Variants in TNR observed in about 807,000 individuals in gnomAD.
TNR encodes the protein tenascin-R.
In TNR, 45 loss-of-function variants were observed where a neutral mutation model predicts 150.4. That is an observed-to-expected ratio of 0.30 (90% CI 0.24 to 0.38). The LOEUF is 0.38. Among genes scored for constraint, TNR ranks in the 10% least tolerant of loss-of-function variants. The pLI is 1.00. For synonymous variants in TNR, 687 were observed against 678.4 expected (o/e 1.01, Z -0.20); for missense variants, 1,544 against 1,759.1 (o/e 0.88, Z 2.19).
chr1:175,481,243 C>T (rs947704094), intron 2 of TNR, among the ~76,000 whole-genome samples: 3 of 152,122 alleles, frequency 2.0e-5, no homozygotes, highest in Admixed American at 6.5e-5. Flanking sequence ...AATGAGTGAA[C>T]AAATGAATGA....
intron 2 of TNR, among the ~76,000 whole-genome samples, chr1:175,407,811 T>G (rs73045410): frequency 0.024 from 3,719 of 152,236 alleles, 153 homozygotes; most frequent in African/African-American, 0.085. Flanking sequence ...ATGGAGGAAG[T>G]TCTTCCAAGA....
chr1:175,566,573 G>A (rs1391256423), intron 1 of TNR, among the ~76,000 whole-genome samples: 1 of 152,216 alleles, frequency 6.6e-6, no homozygotes, highest in Non-Finnish European at 1.5e-5. Context: ...AGTGAGAAAG[G>A]GGGTTCAGCT....
intron 16 of TNR, 99 bp downstream of exon 16, chr1:175,356,220 T>A (rs1651318915): frequency 1.3e-6 from 2 of 1,515,820 alleles, no homozygotes; most frequent in Non-Finnish European, 1.8e-6. Flanking sequence ...AGCTGCCCTG[T>A]CCAAAGCCTG....
chr1:175,741,286 T>C (rs188641325), intron 1 of TNR, among the ~76,000 whole-genome samples: 4 of 152,330 alleles, frequency 2.6e-5, no homozygotes, highest in East Asian at 3.9e-4. Flanking sequence ...AGCGTCTGTG[T>C]CTCTCCATTT....
Position 175,335,738 on chromosome 1 carries a change from C to T in TNR, c.3604G>A (p.Gly1202Arg), listed in dbSNP as rs1316313002. The T allele has an allele frequency of 2.5e-6, 4 of 1,613,904 alleles. No individual in the cohort carries two copies. The highest frequency in any genetic ancestry group is 1.3e-5 in the African/African-American group (1 of 74,886). The part of the protein sequence containing the change: ...RKWADYRVGF[G>R]NVEDEFWLGL... Reference sequence around the variant, plus strand: ...AGCCAGAACTCATCCTCCACGTTCCCGAAGCCAACACGGTAATCAGCCCAT... The same window carrying T: ...AGCCAGAACTCATCCTCCACGTTCCTGAAGCCAACACGGTAATCAGCCCAT... The change falls in exon 20 of 23, where the codon GGG (glycine) becomes AGG (arginine). Residue 1202 changes from glycine to arginine, a missense_variant. Physicochemically the swap from Gly to Arg is moderately radical, Grantham distance 125. This residue lies in a region of TNR where 290 missense variants were observed against 429.7 expected (regional missense o/e 0.67). Coordinates refer to ENST00000367674, the MANE Select transcript of TNR (RefSeq NM_003285.3).
chr1:175,408,787 C>T (rs1195298549), intron 2 of TNR, among the ~76,000 whole-genome samples: 3 of 152,186 alleles, frequency 2.0e-5, no homozygotes, highest in Non-Finnish European at 4.4e-5. Flanking sequence ...ATATTGTTTG[C>T]AGACAAGTGG....
chr1:175,386,683 C>A (rs550129815), intron 7 of TNR, among the ~76,000 whole-genome samples: 244 of 152,258 alleles, frequency 1.6e-3, no homozygotes, highest in African/African-American at 5.6e-3. Flanking sequence ...GCTCTCACCT[C>A]TTTGAGCCCT....
chr1:175,633,013 C>T (rs144285585), intron 1 of TNR, among the ~76,000 whole-genome samples: 1 of 152,316 alleles, frequency 6.6e-6, no homozygotes, highest in African/African-American at 2.4e-5. Context: ...TCCCCAAGCT[C>T]CTGTCTCCAT....
chr1:175,468,153 T>C (rs1330092722), intron 2 of TNR, among the ~76,000 whole-genome samples: 3 of 152,114 alleles, frequency 2.0e-5, no homozygotes, highest in African/African-American at 7.2e-5. Context: ...TTTCTGGAGA[T>C]TTCCAAGGGT....
chr1:175,619,700 C>T (rs905196065), intron 1 of TNR, among the ~76,000 whole-genome samples: 2 of 152,164 alleles, frequency 1.3e-5, no homozygotes, highest in African/African-American at 2.4e-5. Flanking sequence ...GACACTTGTT[C>T]CCAAGACCCA....
intron 14 of TNR, among the ~76,000 whole-genome samples, chr1:175,361,709 C>T (rs1454937256): frequency 6.6e-6 from 1 of 152,180 alleles, no homozygotes; most frequent in Non-Finnish European, 1.5e-5. Context: ...CAGGTGTTCT[C>T]CTAATGAGGC....
At chr1:175,384,175 CA>C (rs1284551757) in intron 8 of TNR, among the ~76,000 whole-genome samples, 25 of 152,310 alleles carry the variant, frequency 1.6e-4, no homozygotes, top group East Asian at 1.9e-4. Context: ...ACTTTTCAAA[CA>C]AAACTATCTT....
At chr1:175,418,659 G>A (rs1469798861) in intron 2 of TNR, among the ~76,000 whole-genome samples, 1 of 152,032 alleles carries the variant, frequency 6.6e-6, no homozygotes, top group Non-Finnish European at 1.5e-5. Context: ...GGGAGGCGGA[G>A]GTTGCAGTGA....
At position 175,655,751 on chromosome 1, in the gene TNR, G is replaced by A. The variant is rs770405583; in HGVS notation, c.-165+87475C>T. Among the ~76,000 whole-genome samples, 29 of 152,226 alleles carry A rather than the reference G, an allele frequency of 1.9e-4. 1 individual carries two copies. The highest frequency in any genetic ancestry group is 7.0e-4 in the African/African-American group (29 of 41,456). ...TTGTTCTGGTCATTTCCAGAGTGGG[G>A]ACAGCTCAGACATCACACCTCACCA... On this transcript the variant is annotated intron_variant, in intron 1 of 22. Coordinates refer to ENST00000367674, the MANE Select transcript of TNR (RefSeq NM_003285.3).
chr1:175,458,111 C>T (rs1656644912), intron 2 of TNR, among the ~76,000 whole-genome samples: 1 of 152,160 alleles, frequency 6.6e-6, no homozygotes, highest in South Asian at 2.1e-4. Context: ...GAGCACAGAG[C>T]CTGGTGCAGA....
intron 1 of TNR, among the ~76,000 whole-genome samples, chr1:175,598,575 G>T (rs1486700108): frequency 6.6e-6 from 1 of 152,212 alleles, no homozygotes; most frequent in African/African-American, 2.4e-5. Context: ...TGTATAAACA[G>T]AAGGCATGCG....
intron 1 of TNR, among the ~76,000 whole-genome samples, chr1:175,734,093 A>G (rs1022570508): frequency 1.3e-5 from 2 of 152,014 alleles, no homozygotes; most frequent in Non-Finnish European, 2.9e-5. Context: ...CAAGAATGCA[A>G]TGTCTTGTTC....
intron 1 of TNR, among the ~76,000 whole-genome samples, chr1:175,563,508 T>C (rs186377725): frequency 1.4e-4 from 21 of 152,220 alleles, no homozygotes; most frequent in Admixed American, 1.4e-3. Context: ...ACAAAAGAGG[T>C]GACACAAGCC....
At chr1:175,617,403 T>C (rs1410115444) in intron 1 of TNR, among the ~76,000 whole-genome samples, 1 of 152,232 alleles carries the variant, frequency 6.6e-6, no homozygotes, top group Non-Finnish European at 1.5e-5. Context: ...TACCACTGTC[T>C]GCACCAGGAG....
Sources: allele counts gnomAD v4.1 joint callset (sites outside exome capture counted in the v4.1 genomes callset), GRCh38; gene constraint gnomAD v4.1.1; regional missense constraint gnomAD v4.1.1; transcripts MANE v1.5; gene names NCBI Gene and HGNC (gene_info 2026-07-23, HGNC 2026-07-21).